FOXN2: variants seen among roughly 807,000 people sequenced by gnomAD.
FOXN2 encodes forkhead box protein N2.
Under a neutral mutation model 41.2 loss-of-function variants are expected in FOXN2, and 19 were observed. The ratio of observed to expected loss-of-function variants is 0.46; its 90% confidence interval spans 0.32 to 0.68. The LOEUF is 0.68. FOXN2 is among the 30% of genes least tolerant of loss of function. The pLI, the probability that FOXN2 is intolerant of heterozygous loss-of-function variation, is 0.03. For missense variants in FOXN2, 587 were observed against 509.4 expected (o/e 1.15, Z -1.47); for synonymous variants, 195 against 176.8 (o/e 1.10, Z -0.82).
chr2:48,365,657 C>G (rs936536158), intron 5 of FOXN2, among the ~76,000 whole-genome samples: 1 of 152,170 alleles, frequency 6.6e-6, no homozygotes, highest in Admixed American at 6.5e-5. Context: ...CATCATCTGT[C>G]TAGTGCTACC....
chr2:48,375,649 T>G lies in FOXN2; in HGVS notation c.*206T>G. 2 of 458,488 alleles carry G rather than the reference T, an allele frequency of 4.4e-6. No homozygotes were observed. The highest frequency in any genetic ancestry group is 7.7e-6 in the Non-Finnish European group (2 of 260,844). The allele number at this position is 458,488 out of a possible 1,614,324, so 28.4% of individuals were successfully genotyped here. ...ATCAGAAATACATGATGTGAAGTCC[T>G]AAAAGCATAATTTTTGTGATAAATG... On this transcript the variant is annotated 3_prime_UTR_variant, in exon 7 of 7. Transcript: ENST00000340553.
At chr2:48,336,308 C>A (rs1316880194) in intron 2 of FOXN2, among the ~76,000 whole-genome samples, 1 of 148,934 alleles carries the variant, frequency 6.7e-6, no homozygotes, top group East Asian at 2.0e-4. Context: ...CTCAGGAGGC[C>A]GAGGCAGGAG....
At chr2:48,345,514 T>G (rs72820414) in intron 2 of FOXN2, among the ~76,000 whole-genome samples, 18,823 of 152,118 alleles carry the variant, frequency 0.12, 1,296 homozygotes, top group Middle Eastern at 0.18. Flanking sequence ...CAAAGAGAGA[T>G]AGGTATATGA....
At chr2:48,368,005 G>A (rs1672640312) in intron 5 of FOXN2, among the ~76,000 whole-genome samples, 1 of 152,072 alleles carries the variant, frequency 6.6e-6, no homozygotes, top group African/African-American at 2.4e-5. Flanking sequence ...ACCTCACCCG[G>A]CTAATTTTTG....
At chr2:48,347,436 C>G (rs1671182896) in intron 3 of FOXN2, among the ~76,000 whole-genome samples, 1 of 151,752 alleles carries the variant, frequency 6.6e-6, no homozygotes, top group South Asian at 2.1e-4. Flanking sequence ...CCATGTTGTC[C>G]AGACTGGTCT....
chr2:48,370,420 G>A (rs7562069), intron 5 of FOXN2, among the ~76,000 whole-genome samples: 60,564 of 151,998 alleles, frequency 0.4, 12,675 homozygotes, highest in Non-Finnish European at 0.47. Context: ...TTTCTGCCCA[G>A]TACTCTTTTC....
At chr2:48,360,355 T>G (rs1343798858) in intron 4 of FOXN2, among the ~76,000 whole-genome samples, 1 of 152,192 alleles carries the variant, frequency 6.6e-6, no homozygotes, top group African/African-American at 2.4e-5. Flanking sequence ...TAAATGGAAA[T>G]TTTTAAACAT....
At chr2:48,315,565 C>T (rs1216258789) in intron 1 of FOXN2, among the ~76,000 whole-genome samples, 1 of 152,202 alleles carries the variant, frequency 6.6e-6, no homozygotes, top group Non-Finnish European at 1.5e-5. Context: ...AGTCCTCTTT[C>T]CTGGCAAGGT....
chr2:48,359,597 TTTTTCTTTTC>T (rs748844988), intron 4 of FOXN2, among the ~76,000 whole-genome samples: 100 of 148,466 alleles, frequency 6.7e-4, no homozygotes, highest in African/African-American at 2.0e-3. Flanking sequence ...CTCGGCCTGT[TTTTTCTTTTC>T]TTTTCTTTTC....
chr2:48,337,918 A>G (rs940790120), intron 2 of FOXN2, among the ~76,000 whole-genome samples: 3 of 152,228 alleles, frequency 2.0e-5, no homozygotes, highest in Admixed American at 1.3e-4. Context: ...TATTTGATAT[A>G]GAAAGCAGAC....
At chr2:48,351,093 TG>T (rs1411430913) in intron 3 of FOXN2, among the ~76,000 whole-genome samples, 2 of 151,062 alleles carry the variant, frequency 1.3e-5, no homozygotes, top group Non-Finnish European at 2.9e-5. Context: ...CCTGAGTAGC[TG>T]GGACTGTAGG....
At chr2:48,337,865 AG>A in intron 2 of FOXN2, among the ~76,000 whole-genome samples, 1 of 152,286 alleles carries the variant, frequency 6.6e-6, no homozygotes, top group South Asian at 2.1e-4. Context: ...AAAATTGAAA[AG>A]TTTTTCCAGT....
intron 5 of FOXN2, among the ~76,000 whole-genome samples, chr2:48,364,385 G>C (rs1443253997): frequency 1.3e-5 from 2 of 151,852 alleles, no homozygotes; most frequent in African/African-American, 4.8e-5. Context: ...CATTACACCT[G>C]GCTAATTTTG....
At chr2:48,354,656 G>A (rs1671670287) in intron 3 of FOXN2, among the ~76,000 whole-genome samples, 1 of 152,216 alleles carries the variant, frequency 6.6e-6, no homozygotes. Flanking sequence ...GGGACAGGCT[G>A]TTTAGCTTTT....
chr2:48,342,460 C>T (rs1237829816), intron 2 of FOXN2, among the ~76,000 whole-genome samples: 8 of 152,042 alleles, frequency 5.3e-5, no homozygotes, highest in African/African-American at 1.9e-4. Context: ...ATTGTTGGGT[C>T]AAAGAATGAA....
rs1452218530 is a variant in FOXN2, at chr2:48,378,055, CG to C, written c.*2613del. The C allele has an allele frequency of 6.6e-6, 1 of 152,306 alleles. No individual in the cohort carries two copies. The highest frequency in any genetic ancestry group is 2.4e-5 in the African/African-American group (1 of 41,414). The allele number at this position is 152,306 out of a possible 1,614,324, so 9.4% of individuals were successfully genotyped here. A position where few individuals can be genotyped will look rare whatever the true frequency, so the allele number is the denominator to read the frequency against. On this transcript the variant is annotated 3_prime_UTR_variant, in exon 7 of 7. Coordinates refer to ENST00000340553, the MANE Select transcript of FOXN2 (RefSeq NM_002158.4). ...ATAAGCTAACATATAATTTGCCTTA[CG>C]TCAAAAGAATATGTTTTGTTGCAGC...
chr2:48,357,372 A>G (rs144787135), intron 3 of FOXN2, among the ~76,000 whole-genome samples: 23 of 152,354 alleles, frequency 1.5e-4, no homozygotes, highest in African/African-American at 5.3e-4. Flanking sequence ...ATTCCAAGGT[A>G]GAGCATGGCT....
intron 3 of FOXN2, among the ~76,000 whole-genome samples, chr2:48,357,125 T>C (rs1194186212): frequency 1.3e-5 from 2 of 152,176 alleles, no homozygotes; most frequent in Non-Finnish European, 2.9e-5. Context: ...TGATAGTTCA[T>C]GAACAGACCC....
intron 5 of FOXN2, among the ~76,000 whole-genome samples, chr2:48,367,383 TACAA>T (rs1255064244): frequency 1.3e-5 from 2 of 152,176 alleles, no homozygotes; most frequent in Non-Finnish European, 2.9e-5. Flanking sequence ...CCTGGTATAC[TACAA>T]ACAGATATAA....
Sources: gnomAD v4.1 joint callset for allele counts (sites outside exome capture counted in the v4.1 genomes callset) on GRCh38, gnomAD v4.1.1 for gene constraint, MANE v1.5 for transcripts, NCBI Gene and HGNC (gene_info 2026-07-23, HGNC 2026-07-21) for gene names.